The following LCA5 variants were observed in gnomAD, a reference collection of about 807,000 sequenced individuals.
LCA5 encodes the protein lebercilin.
A neutral mutation model predicts 53.0 loss-of-function variants in LCA5; 37 were observed. The observed-to-expected ratio is 0.70, with a 90% CI of 0.54 to 0.92. The LOEUF (loss-of-function observed/expected upper bound fraction) is 0.92. LCA5 is among the 40% of genes least tolerant of loss of function. LCA5 has a pLI of 0.00. For synonymous variants in LCA5, 303 were observed against 282.9 expected (o/e 1.07, Z -0.71); for missense variants, 806 against 790.5 (o/e 1.02, Z -0.23).
intron 3 of LCA5, among the ~76,000 whole-genome samples, chr6:79,512,631 T>C (rs913403472): frequency 6.6e-6 from 1 of 151,922 alleles, no homozygotes; most frequent in Non-Finnish European, 1.5e-5. Context: ...CATATATATA[T>C]AGAAGGTGGC....
intron 3 of LCA5, among the ~76,000 whole-genome samples, chr6:79,494,362 G>C (rs1321650423): frequency 6.6e-6 from 1 of 151,956 alleles, no homozygotes; most frequent in Non-Finnish European, 1.5e-5. Context: ...AAAAACAATA[G>C]CCATTTCCAT....
At chr6:79,535,681 T>C (rs1767093291) in intron 1 of LCA5, among the ~76,000 whole-genome samples, 1 of 152,038 alleles carries the variant, frequency 6.6e-6, no homozygotes. Context: ...ATACCAAAAA[T>C]TAGCTACAAA....
At position 79,487,226 on chromosome 6, in the gene LCA5, T is replaced by TG; in HGVS notation, c.1871dup (p.Asn625LysfsTer7). 6.2e-7 allele frequency: 1 copy of TG among 1,614,052 alleles called. No individual in the cohort carries two copies. Among genetic ancestry groups the TG allele is most frequent in the Non-Finnish European group, 8.5e-7 (1 of 1,179,940 alleles). On this transcript the variant is annotated frameshift_variant, in exon 8 of 8. Transcript: ENST00000369846. LOFTEE classifies it high-confidence loss of function. ...CTCCTTTACTGGAAGCCACAGAATT[T>TG]GGGTCACTGCTTTTGGAGGAAATGG...
chr6:79,513,835 A>C (rs1383300546), intron 2 of LCA5, 94 bp from the exon 3 acceptor site: 1 of 1,181,910 alleles, frequency 8.5e-7, no homozygotes, highest in Non-Finnish European at 1.2e-6. Flanking sequence ...AACATTCTTT[A>C]GTTATTTTTG....
At chr6:79,535,372 G>T (rs1391854880) in intron 1 of LCA5, among the ~76,000 whole-genome samples, 1 of 152,170 alleles carries the variant, frequency 6.6e-6, no homozygotes, top group Non-Finnish European at 1.5e-5. Flanking sequence ...GCTGGAGGAA[G>T]AATATCAATT....
At chr6:79,499,909 A>T (rs1413564646) in intron 3 of LCA5, among the ~76,000 whole-genome samples, 2 of 141,670 alleles carry the variant, frequency 1.4e-5, no homozygotes, top group African/African-American at 5.3e-5. Context: ...ATGTGTTCTC[A>T]TTGTTCAATT....
rs749807680 is a variant in LCA5, at chr6:79,513,713, T to C, written c.219A>G (p.Leu73=). The C allele has an allele frequency of 1.9e-6, 3 of 1,613,686 alleles. No homozygotes were observed. The highest frequency in any genetic ancestry group is 2.5e-6 in the Non-Finnish European group (3 of 1,179,726). ...CCACTCGGACTCCCTTTCTGTTTGGTAGACCCTTAGGGCTTGGTTTCCGAG... is the reference window on the plus strand; with the variant it reads ...CCACTCGGACTCCCTTTCTGTTTGGCAGACCCTTAGGGCTTGGTTTCCGAG... ...QAPRKPSPKG[L]PNRKGVRVGF... The change falls in exon 3 of 8, where the codon CTA becomes CTG. Residue 73 remains leucine, a synonymous_variant. Transcript: ENST00000369846.
At chr6:79,507,199 A>C (rs570505185) in intron 3 of LCA5, among the ~76,000 whole-genome samples, 2 of 152,176 alleles carry the variant, frequency 1.3e-5, no homozygotes, top group Non-Finnish European at 2.9e-5. Flanking sequence ...TCCCCTATTA[A>C]GCCAGGCATT....
intron 3 of LCA5, among the ~76,000 whole-genome samples, chr6:79,512,728 A>G (rs1221032919): frequency 1.3e-5 from 2 of 152,182 alleles, no homozygotes; most frequent in Non-Finnish European, 2.9e-5. Flanking sequence ...GAGCTGCTGT[A>G]TTCTCAGACT....
chr6:79,505,832 T>C (rs1280200210), intron 3 of LCA5, among the ~76,000 whole-genome samples: 1 of 152,126 alleles, frequency 6.6e-6, no homozygotes. Context: ...AAAGTGATCC[T>C]ACCTGGCCCA....
At chr6:79,491,079 C>T (rs141402278) in intron 6 of LCA5, among the ~76,000 whole-genome samples, 3,882 of 151,878 alleles carry the variant, frequency 0.026, 58 homozygotes, top group Middle Eastern at 0.072. Context: ...TAGTCAAATT[C>T]TAACAAATCA....
At chr6:79,523,469 T>A (rs548928267) in intron 1 of LCA5, among the ~76,000 whole-genome samples, 119 of 152,342 alleles carry the variant, frequency 7.8e-4, no homozygotes, top group Admixed American at 1.4e-3. Context: ...GTAACTACTT[T>A]AGAGAATTCT....
At chr6:79,519,682 A>T (rs1766563693) in intron 1 of LCA5, among the ~76,000 whole-genome samples, 1 of 149,564 alleles carries the variant, frequency 6.7e-6, no homozygotes. Flanking sequence ...GCGCCACTGA[A>T]CTCCAGCCTG....
intron 4 of LCA5, among the ~76,000 whole-genome samples, chr6:79,493,216 C>G (rs970891301): frequency 6.6e-6 from 1 of 152,050 alleles, no homozygotes; most frequent in African/African-American, 2.4e-5. Context: ...AATTTGAATA[C>G]TTTCTCTAAA....
At chr6:79,532,702 A>G (rs1381978116) in intron 1 of LCA5, among the ~76,000 whole-genome samples, 1 of 152,122 alleles carries the variant, frequency 6.6e-6, no homozygotes, top group Non-Finnish European at 1.5e-5. Flanking sequence ...TTTCTATTAA[A>G]GTGAGCCCAG....
At chr6:79,492,819 A>G (rs1769881381) in intron 4 of LCA5, among the ~76,000 whole-genome samples, 172 bp from the exon 5 acceptor site, 1 of 152,090 alleles carries the variant, frequency 6.6e-6, no homozygotes, top group Admixed American at 6.5e-5. Context: ...TGAGGTTAGG[A>G]TAGAGCAATA....
chr6:79,526,903 T>C (rs1766806680), intron 1 of LCA5, among the ~76,000 whole-genome samples: 2 of 152,180 alleles, frequency 1.3e-5, no homozygotes, highest in South Asian at 4.1e-4. Context: ...CAAATCTCCC[T>C]ACTATGGAAA....
intron 2 of LCA5, among the ~76,000 whole-genome samples, chr6:79,518,101 T>TAC (rs1766497075): frequency 6.6e-6 from 1 of 152,200 alleles, no homozygotes; most frequent in African/African-American, 2.4e-5. Flanking sequence ...TGTAGAATAT[T>TAC]ACATAGTCAA....
intron 1 of LCA5, among the ~76,000 whole-genome samples, chr6:79,528,212 C>G (rs538171990): frequency 5.8e-4 from 88 of 152,282 alleles, no homozygotes; most frequent in African/African-American, 2.0e-3. Context: ...ATTGTTCTTT[C>G]CTGCATTGCG....
Sources: allele counts gnomAD v4.1 joint callset (sites outside exome capture counted in the v4.1 genomes callset), GRCh38; gene constraint gnomAD v4.1.1; transcripts MANE v1.5; gene names NCBI Gene and HGNC (gene_info 2026-07-23, HGNC 2026-07-21).